PIK3C2G: variants seen among roughly 807,000 people sequenced by gnomAD.
The protein encoded by PIK3C2G is phosphatidylinositol-4-phosphate 3-kinase catalytic subunit type 2 gamma, also known as phosphatidylinositol 3-kinase C2 domain-containing subunit gamma.
Under a neutral mutation model 181.1 loss-of-function variants are expected in PIK3C2G, and 168 were observed. The observed-to-expected ratio is 0.93, with a 90% CI of 0.82 to 1.05. The LOEUF is 1.05. Among genes scored for constraint, PIK3C2G ranks in the 50% least tolerant of loss-of-function variants. The pLI is 0.00. For synonymous variants in PIK3C2G, 573 were observed against 592.2 expected, an observed-to-expected ratio of 0.97 and a Z score of 0.47; for missense variants, 1,869 against 1,732.8, an observed-to-expected ratio of 1.08 and a Z score of -1.40.
chr12:18,511,822 T>C (rs1277695480), intron 24 of PIK3C2G, among the ~76,000 whole-genome samples: 1 of 152,108 alleles, frequency 6.6e-6, no homozygotes, highest in African/African-American at 2.4e-5. Flanking sequence ...TTTAGTTTGA[T>C]GCCTTCCATT....
chr12:18,310,097 G>A (rs1332694177), intron 5 of PIK3C2G, among the ~76,000 whole-genome samples: 2 of 151,814 alleles, frequency 1.3e-5, no homozygotes, highest in East Asian at 3.9e-4. Flanking sequence ...AAAATCTATT[G>A]TTGCTGAATT....
At chr12:18,475,944 A>G (rs1344641499) in intron 18 of PIK3C2G, among the ~76,000 whole-genome samples, 1 of 152,132 alleles carries the variant, frequency 6.6e-6, no homozygotes, top group Non-Finnish European at 1.5e-5. Context: ...TCATTTATTC[A>G]AGAAATATTA....
At chr12:18,607,531 C>A (rs1045873371) in intron 30 of PIK3C2G, among the ~76,000 whole-genome samples, 6 of 152,108 alleles carry the variant, frequency 3.9e-5, no homozygotes, top group Non-Finnish European at 7.4e-5. Flanking sequence ...CTTCCTTACA[C>A]CTTATACAAA....
upstream of PIK3C2G, among the ~76,000 whole-genome samples, chr12:18,259,706 A>C (rs1299586457): frequency 6.6e-6 from 1 of 151,966 alleles, no homozygotes; most frequent in Admixed American, 6.6e-5. Context: ...AAAATAACCT[A>C]ATTAATGTTA....
the PIK3C2G span, chr12:18,701,756 T>A: frequency 6.2e-7 from 1 of 1,606,202 alleles, no homozygotes; most frequent in Admixed American, 1.7e-5. Context: ...TATTTTTAAC[T>A]AATATTTTGA....
At chr12:18,723,453 C>T in the PIK3C2G span, 33 of 1,612,812 alleles carry the variant, frequency 2.0e-5, no homozygotes, top group African/African-American at 4.0e-4. Flanking sequence ...TGTTGAAAAT[C>T]TCAATAATTT....
rs945524048 is a variant in PIK3C2G, at chr12:18,390,211, C to T, written c.1996-911C>T. 8.1e-4 allele frequency among the ~76,000 whole-genome samples: 123 copies of T among 152,068 alleles called. 1 individual carries two copies. Among genetic ancestry groups the T allele is most frequent in the African/African-American group, 2.6e-3 (108 of 41,498 alleles). On this transcript the variant is annotated intron_variant, in intron 14 of 32. Coordinates refer to ENST00000538779, the MANE Select transcript of PIK3C2G (RefSeq NM_001288772.2). ...ACTAAAACTTTTTCAAATAAATAAG[C>T]GCTCAAATATATTAAACTGTATTTC...
chr12:18,444,771 TC>T (rs1011827599), intron 18 of PIK3C2G, among the ~76,000 whole-genome samples: 7 of 152,100 alleles, frequency 4.6e-5, no homozygotes, highest in African/African-American at 1.7e-4. Context: ...TATTTCTGAG[TC>T]CCTTCGTTTC....
chr12:18,495,811 G>A (rs747837146), intron 20 of PIK3C2G, among the ~76,000 whole-genome samples: 6 of 152,084 alleles, frequency 3.9e-5, no homozygotes, highest in Non-Finnish European at 8.8e-5. Context: ...AGGAAAAAAC[G>A]TGGTTGAAGA....
chr12:18,538,139 C>A lies in PIK3C2G; in HGVS notation c.3324-17C>A. On this transcript the variant is annotated splice_polypyrimidine_tract_variant and intron_variant, in intron 24 of 32. Transcript: ENST00000538779. ...TTTCTCTTCCTTCGAATGATTGCTA[C>A]TGTTTTTGGTTTACAGGGACCGAGC... is the stretch of plus-strand genomic sequence containing the variant. The A allele has an allele frequency of 6.2e-7, 1 of 1,600,380 alleles. No individual in the cohort carries two copies.
chr12:18,713,832 A>C, the PIK3C2G span: 1 of 152,194 alleles, frequency 6.6e-6, no homozygotes, highest in African/African-American at 2.4e-5. Context: ...CTACCTAAAA[A>C]ATAAATATTG....
At chr12:18,688,792 A>C in the PIK3C2G span, among the ~76,000 whole-genome samples, 59,484 of 151,762 alleles carry the variant, frequency 0.39, 12,309 homozygotes, top group African/African-American at 0.51. Flanking sequence ...AATTTAAGGA[A>C]CAAAATGAGC....
chr12:18,422,940 A>T (rs1280317247), intron 17 of PIK3C2G, among the ~76,000 whole-genome samples: 1 of 152,114 alleles, frequency 6.6e-6, no homozygotes, highest in Non-Finnish European at 1.5e-5. Context: ...AGACAGCATC[A>T]GGAGTTTATG....
chr12:18,358,728 C>A, intron 11 of PIK3C2G: 1 of 429,962 alleles, frequency 2.3e-6, no homozygotes. Context: ...CCTTGATTCT[C>A]ATGACTTTAT....
At chr12:18,292,233 T>A (rs1315943011) in intron 4 of PIK3C2G, among the ~76,000 whole-genome samples, 1,344 of 78,088 alleles carry the variant, frequency 0.017, 25 homozygotes, top group African/African-American at 0.04. Context: ...AAAAAATATA[T>A]ATATATATAT....
the PIK3C2G span, among the ~76,000 whole-genome samples, chr12:18,691,376 T>G: frequency 2.0e-5 from 3 of 152,146 alleles, no homozygotes; most frequent in Non-Finnish European, 2.9e-5. Flanking sequence ...AAAATATGCC[T>G]TTAGATTCCC....
chr12:18,272,394 G>A (rs1000772582), intron 1 of PIK3C2G, among the ~76,000 whole-genome samples: 22 of 152,228 alleles, frequency 1.4e-4, no homozygotes, highest in African/African-American at 5.3e-4. Context: ...TTATCAGGAA[G>A]CACAAAACAC....
rs199686866 is a variant in PIK3C2G at position 18,585,437 on chromosome 12, GA to G, written c.4012-9047del. The stretch of plus-strand genomic sequence containing the variant: ...CATTAAACCAACAAAGATAAGAAAA[GA>G]AAAAAAAAAGAGAAGGGCATTACAT... On this transcript the variant is annotated intron_variant, in intron 29 of 32. Transcript: ENST00000538779. 2.9e-3 allele frequency among the ~76,000 whole-genome samples: 419 copies of G among 142,992 alleles called. 4 individuals carry two copies. The East Asian group carries it at 0.03, about 10-fold the overall frequency. 93.8% of individuals were successfully genotyped at this position (142,992 alleles called of 152,430 possible).
Position 18,648,117 on chromosome 12 carries a change from T to C in PIK3C2G, c.*89T>C. On this transcript the variant is annotated 3_prime_UTR_variant, in exon 33 of 33. Transcript: ENST00000538779. ...GAATCACATAAGTAAGGCATCTTTG[T>C]TGTCAAAGACAGCACAGGGTATTAA... The C allele has an allele frequency of 2.7e-6, 2 of 754,630 alleles. No homozygotes were observed. The highest frequency in any genetic ancestry group is 4.0e-6 in the Non-Finnish European group (2 of 496,742). The allele number at this position is 754,630 out of a possible 1,614,324, so 46.7% of individuals were successfully genotyped here. A position where few individuals can be genotyped will look rare whatever the true frequency, so the allele number is the denominator to read the frequency against.
Sources: allele counts gnomAD v4.1 joint callset (sites outside exome capture counted in the v4.1 genomes callset), GRCh38; gene constraint gnomAD v4.1.1; transcripts MANE v1.5; gene names NCBI Gene and HGNC (gene_info 2026-07-23, HGNC 2026-07-21).